The following LINGO2 variants were observed in gnomAD, a reference collection of about 807,000 sequenced individuals.
LINGO2 encodes leucine rich repeat and Ig domain containing 2.
Under a neutral mutation model 30.6 loss-of-function variants are expected in LINGO2, and 14 were observed. That is an observed-to-expected ratio of 0.46 (90% CI 0.30 to 0.72). The LOEUF (loss-of-function observed/expected upper bound fraction) is 0.72. LINGO2 is among the 30% of genes least tolerant of loss of function. The pLI, the probability that LINGO2 is intolerant of heterozygous loss-of-function variation, is 0.07. For missense variants in LINGO2, 729 were observed against 751.7 expected, an observed-to-expected ratio of 0.97 and a Z score of 0.35; for synonymous variants, 317 against 288.5, an observed-to-expected ratio of 1.10 and a Z score of -1.00.
chr9:28,747,552 C>G, the LINGO2 span, among the ~76,000 whole-genome samples: 2 of 152,060 alleles, frequency 1.3e-5, no homozygotes, highest in African/African-American at 2.4e-5. Context: ...GCTGCAGACA[C>G]CCATCCCTAG....
intron 4 of LINGO2, among the ~76,000 whole-genome samples, chr9:28,189,613 G>GAGGAAGGAAGGA (rs1819720373): frequency 1.7e-3 from 2 of 1,208 alleles, no homozygotes; most frequent in African/African-American, 2.6e-3. Context: ...GGAAGGAAGG[G>GAGGAAGGAAGGA]AGGGAGGGAG....
intron 1 of LINGO2, among the ~76,000 whole-genome samples, chr9:28,580,650 A>G (rs1350136952): frequency 2.0e-5 from 3 of 152,092 alleles, no homozygotes; most frequent in Non-Finnish European, 4.4e-5. Context: ...ATGCACTGCT[A>G]AATCCACTGA....
intron 2 of LINGO2, among the ~76,000 whole-genome samples, chr9:28,379,020 A>G (rs1300700615): frequency 2.0e-5 from 3 of 152,170 alleles, no homozygotes; most frequent in Non-Finnish European, 4.4e-5. Context: ...GCATGGAGTT[A>G]ACTTTGAACC....
At chr9:29,000,014 C>A in the LINGO2 span, among the ~76,000 whole-genome samples, 1 of 151,962 alleles carries the variant, frequency 6.6e-6, no homozygotes. Flanking sequence ...TCATGTCATA[C>A]ATATTTCATT....
intron 3 of LINGO2, among the ~76,000 whole-genome samples, chr9:28,328,340 G>A (rs1825302818): frequency 6.6e-6 from 1 of 152,170 alleles, no homozygotes; most frequent in African/African-American, 2.4e-5. Flanking sequence ...AAAGTCCAAT[G>A]TGTTGTGATA....
chr9:28,300,446 C>T (rs1399446860), intron 3 of LINGO2, among the ~76,000 whole-genome samples: 3 of 152,114 alleles, frequency 2.0e-5, no homozygotes, highest in African/African-American at 2.4e-5. Context: ...CTCAAAGATG[C>T]CTAATTCTGA....
the LINGO2 span, among the ~76,000 whole-genome samples, chr9:28,695,933 G>A: frequency 1.2e-3 from 180 of 151,962 alleles, no homozygotes; most frequent in African/African-American, 4.1e-3. Flanking sequence ...AAAAATGGAT[G>A]TACGCTCTTT....
chr9:28,449,412 G>A (rs1824560505), intron 2 of LINGO2, among the ~76,000 whole-genome samples: 1 of 152,026 alleles, frequency 6.6e-6, no homozygotes, highest in East Asian at 1.9e-4. Context: ...TATGAGCAAT[G>A]TTTAAAATAA....
At chr9:28,056,079 G>T (rs536422068) in intron 4 of LINGO2, among the ~76,000 whole-genome samples, 3 of 152,166 alleles carry the variant, frequency 2.0e-5, no homozygotes, top group African/African-American at 4.8e-5. Context: ...AAAGAAAGGA[G>T]CTCCCCGCTT....
intron 2 of LINGO2, among the ~76,000 whole-genome samples, chr9:28,396,302 A>C (rs185122114): frequency 6.6e-6 from 1 of 152,154 alleles, no homozygotes; most frequent in Admixed American, 6.5e-5. Context: ...GGAAACAGAG[A>C]TATATGGGAC....
the LINGO2 span, among the ~76,000 whole-genome samples, chr9:28,967,984 T>C: frequency 2.6e-5 from 4 of 152,192 alleles, no homozygotes; most frequent in African/African-American, 9.6e-5. Context: ...AACATACATA[T>C]ATTAATGAAG....
At position 28,180,678 on chromosome 9, in the gene LINGO2, T is replaced by C. The variant is rs114501172; in HGVS notation, c.-87+114530A>G. Among the ~76,000 whole-genome samples the C allele has an allele frequency of 5.0e-3, 766 of 152,258 alleles. 8 individuals carry two copies. The highest frequency in any genetic ancestry group is 0.018 in the African/African-American group (732 of 41,556). On this transcript the variant is annotated intron_variant, in intron 4 of 5. Transcript: ENST00000379992. ...TAGTTCAAAAGATAGACTTGAGGCA[T>C]TAGCCAGTGAGTAGAACAGGAGTTT... is the stretch of plus-strand genomic sequence containing the variant.
At chr9:28,795,571 C>A in the LINGO2 span, among the ~76,000 whole-genome samples, 1 of 151,184 alleles carries the variant, frequency 6.6e-6, no homozygotes, top group Non-Finnish European at 1.5e-5. Flanking sequence ...TTTAATATAT[C>A]TTATATATCT....
At chr9:28,266,430 C>T (rs1357438294) in intron 4 of LINGO2, among the ~76,000 whole-genome samples, 2 of 152,036 alleles carry the variant, frequency 1.3e-5, no homozygotes, top group African/African-American at 2.4e-5. Flanking sequence ...ATCCTGCTCT[C>T]TGTTTCCAGG....
At position 28,387,802 on chromosome 9, in the gene LINGO2, G is replaced by A. The variant is rs192262981; in HGVS notation, c.-278-14934C>T. ...CTTTATGAACTGTAACACTCACTGCGAAGGTCTGCAGCTTCACTCCTGAAG... is the reference window on the plus strand; with the variant it reads ...CTTTATGAACTGTAACACTCACTGCAAAGGTCTGCAGCTTCACTCCTGAAG... On this transcript the variant is annotated intron_variant, in intron 2 of 5. Coordinates refer to ENST00000379992, the Ensembl canonical transcript of LINGO2. Among the ~76,000 whole-genome samples, 236 of 152,218 alleles carry A rather than the reference G, an allele frequency of 1.6e-3. 3 individuals carry two copies. Among genetic ancestry groups the A allele is most frequent in the Middle Eastern group, 6.8e-3 (2 of 294 alleles).
intron 4 of LINGO2, among the ~76,000 whole-genome samples, chr9:28,046,701 G>T (rs959803716): frequency 9.2e-5 from 14 of 151,924 alleles, no homozygotes; most frequent in African/African-American, 3.4e-4. Flanking sequence ...CACACCTAAA[G>T]TTCCCACCTC....
chr9:29,111,145 T>C, the LINGO2 span, among the ~76,000 whole-genome samples: 1 of 152,218 alleles, frequency 6.6e-6, no homozygotes, highest in Non-Finnish European at 1.5e-5. Context: ...AAAAAATCAC[T>C]GTATACATTT....
chr9:28,271,169 C>T (rs1271850422), intron 4 of LINGO2, among the ~76,000 whole-genome samples: 2 of 149,490 alleles, frequency 1.3e-5, no homozygotes, highest in Non-Finnish European at 3.0e-5. Flanking sequence ...AAAAAAAAAA[C>T]ACAAAAAACT....
chr9:28,669,414 T>G (rs1828930190), intron 1 of LINGO2, among the ~76,000 whole-genome samples: 1 of 152,154 alleles, frequency 6.6e-6, no homozygotes, highest in Non-Finnish European at 1.5e-5. Flanking sequence ...AAATAAGACA[T>G]TTCTTAACAG....
Sources: allele counts gnomAD v4.1 joint callset (sites outside exome capture counted in the v4.1 genomes callset), GRCh38; gene constraint gnomAD v4.1.1; transcripts MANE v1.5; gene names NCBI Gene and HGNC (gene_info 2026-07-23, HGNC 2026-07-21).